Variants in DPYD observed in about 807,000 individuals in gnomAD.
The protein encoded by DPYD is dihydropyrimidine dehydrogenase [NADP(+)].
In DPYD, 109 loss-of-function variants were observed where a neutral mutation model predicts 116.2. The ratio of observed to expected loss-of-function variants is 0.94; its 90% CI spans 0.80 to 1.10. The LOEUF (loss-of-function observed/expected upper bound fraction) is 1.10. Among genes scored for constraint, DPYD ranks in the 50% least tolerant of loss-of-function variants. The probability of loss-of-function intolerance (pLI) is 0.00; values close to 1 mark genes in which losing one functional copy is unlikely to be tolerated. For synonymous variants in DPYD, 440 were observed against 432.0 expected, an observed-to-expected ratio of 1.02 and a Z score of -0.23; for missense variants, 1,302 against 1,254.5, an observed-to-expected ratio of 1.04 and a Z score of -0.57.
At chr1:97,353,672 A>G (rs1670265204) in intron 16 of DPYD, among the ~76,000 whole-genome samples, 1 of 150,718 alleles carries the variant, frequency 6.6e-6, no homozygotes, top group African/African-American at 2.4e-5. Context: ...TTAGAAATGA[A>G]TTTTGGGTGC....
At chr1:97,650,137 C>G (rs1463131168) in intron 8 of DPYD, among the ~76,000 whole-genome samples, 1 of 152,042 alleles carries the variant, frequency 6.6e-6, no homozygotes. Flanking sequence ...AGAATGCACC[C>G]TCATAGCCCC....
intron 8 of DPYD, among the ~76,000 whole-genome samples, chr1:97,649,501 A>G (rs139209915): frequency 0.016 from 2,430 of 152,138 alleles, 29 homozygotes; most frequent in Non-Finnish European, 0.023. Flanking sequence ...TTCTTTTTCT[A>G]TCTTGAATGA....
chr1:97,162,989 A>ATTAAAGAC (rs1656041337), intron 20 of DPYD, among the ~76,000 whole-genome samples: 1 of 151,766 alleles, frequency 6.6e-6, no homozygotes, highest in East Asian at 1.9e-4. Context: ...TTCAAGATGG[A>ATTAAAGAC]TTAAAGACTT....
chr1:97,568,541 G>A (rs1652687254), intron 11 of DPYD, among the ~76,000 whole-genome samples: 1 of 151,928 alleles, frequency 6.6e-6, no homozygotes, highest in Non-Finnish European at 1.5e-5. Flanking sequence ...TTTCCAGCTG[G>A]GGCAGCCTGG....
At position 97,134,046 on chromosome 1, in the gene DPYD, T is replaced by A. The variant is rs1341113230; in HGVS notation, c.2623-35414A>T. 5.9e-3 allele frequency among the ~76,000 whole-genome samples: 414 copies of A among 70,140 alleles called. 43 individuals are homozygous for A. Among genetic ancestry groups the A allele is most frequent in the African/African-American group, 0.021 (354 of 17,256 alleles). The allele number at this position is 70,140 out of a possible 152,430, so 46.0% of individuals were successfully genotyped here. A position where few individuals can be genotyped will look rare whatever the true frequency, so the allele number is the denominator to read the frequency against. ...ATATATATATATATATATATATATA[T>A]ATATATATATATATATATATATTCT... is the stretch of plus-strand genomic sequence containing the variant. On this transcript the variant is annotated intron_variant, in intron 20 of 22. Coordinates refer to ENST00000370192, the MANE Select transcript of DPYD (RefSeq NM_000110.4).
rs184470704 is a variant in DPYD at position 97,837,391 on chromosome 1, A to C, written c.151-9195T>G. Reference sequence around the variant, plus strand: ...TTGTGCTATTTTCCCCAACAATTTTAAGTGCTAATCTTCAGAAGGCATTTT... The same window carrying C: ...TTGTGCTATTTTCCCCAACAATTTTCAGTGCTAATCTTCAGAAGGCATTTT... On this transcript the variant is annotated intron_variant, in intron 2 of 22. Transcript: ENST00000370192. Among the ~76,000 whole-genome samples the C allele has an allele frequency of 8.2e-4, 125 of 152,268 alleles. 1 individual carries two copies. Among genetic ancestry groups the C allele is most frequent in the Non-Finnish European group, 1.9e-4 (13 of 67,964 alleles).
At chr1:97,134,014 A>AATATAT (rs1165027630) in intron 20 of DPYD, among the ~76,000 whole-genome samples, 20 of 18,786 alleles carry the variant, frequency 1.1e-3, no homozygotes, top group Non-Finnish European at 1.7e-3. Context: ...AAAAAAAAAA[A>AATATAT]ATATATATAT....
intron 15 of DPYD, among the ~76,000 whole-genome samples, chr1:97,376,462 G>C (rs1671620546): frequency 6.6e-6 from 1 of 152,132 alleles, no homozygotes; most frequent in East Asian, 1.9e-4. Flanking sequence ...ACCTGGCAAG[G>C]CCTTTGAAAT....
chr1:97,591,992 C>A (rs1000728684), intron 10 of DPYD, among the ~76,000 whole-genome samples: 1 of 151,660 alleles, frequency 6.6e-6, no homozygotes, highest in African/African-American at 2.4e-5. Context: ...AGATAATAAA[C>A]GTGGAATTTG....
At chr1:97,099,314 A>G (rs753594236) in intron 20 of DPYD, among the ~76,000 whole-genome samples, 2 of 152,134 alleles carry the variant, frequency 1.3e-5, no homozygotes, top group Non-Finnish European at 2.9e-5. Context: ...AACAAACTCC[A>G]TCAGTATTCA....
At chr1:97,606,270 T>C (rs1172236910) in intron 8 of DPYD, among the ~76,000 whole-genome samples, 2 of 151,980 alleles carry the variant, frequency 1.3e-5, no homozygotes, top group African/African-American at 4.8e-5. Context: ...GTACCTACTA[T>C]GTACTAAACA....
At chr1:97,109,341 C>T (rs1464257112) in intron 20 of DPYD, among the ~76,000 whole-genome samples, 1 of 152,086 alleles carries the variant, frequency 6.6e-6, no homozygotes, top group Admixed American at 6.6e-5. Flanking sequence ...AGCAACAGTC[C>T]TTCCAGTGCC....
chr1:97,287,873 T>G (rs1401466347), intron 18 of DPYD, among the ~76,000 whole-genome samples: 2 of 152,076 alleles, frequency 1.3e-5, no homozygotes, highest in African/African-American at 4.8e-5. Context: ...CCTAGCCCCT[T>G]GCAAGACACA....
At chr1:97,402,758 T>G (rs998334695) in intron 14 of DPYD, among the ~76,000 whole-genome samples, 13 of 152,090 alleles carry the variant, frequency 8.5e-5, no homozygotes, top group African/African-American at 3.1e-4. Flanking sequence ...TTTATAGATA[T>G]TCTTTATCAA....
rs571733631 is a variant in DPYD at position 97,173,300 on chromosome 1, GTA to G, written c.2622+19767_2622+19768del. 9.8e-3 allele frequency among the ~76,000 whole-genome samples: 874 copies of G among 89,418 alleles called. 13 individuals are homozygous for G. Among genetic ancestry groups the G allele is most frequent in the African/African-American group, 0.04 (850 of 21,288 alleles). The allele number at this position is 89,418 out of a possible 152,430, so 58.7% of individuals were successfully genotyped here. A position where few individuals can be genotyped will look rare whatever the true frequency, so the allele number is the denominator to read the frequency against. On this transcript the variant is annotated intron_variant, in intron 20 of 22. Coordinates refer to ENST00000370192, the MANE Select transcript of DPYD (RefSeq NM_000110.4). ...TATGCACACATATATGTACACATATGTACATATATATGCACACATATATACAC... is the reference window on the plus strand; with the variant it reads ...TATGCACACATATATGTACACATATGCATATATATGCACACATATATACAC...
chr1:97,521,173 T>C (rs534806063), intron 12 of DPYD, among the ~76,000 whole-genome samples: 1 of 152,322 alleles, frequency 6.6e-6, no homozygotes, highest in African/African-American at 2.4e-5. Context: ...CCATGCTAAC[T>C]GGCGTGAGAT....
At position 97,424,366 on chromosome 1, in the gene DPYD, T is replaced by C. The variant is rs575795984; in HGVS notation, c.1905+25693A>G. On this transcript the variant is annotated intron_variant, in intron 14 of 22. Coordinates refer to ENST00000370192, the MANE Select transcript of DPYD (RefSeq NM_000110.4). ...AGAAATTTCTCTTTCACCTCCTGAATAGAAAAGACAACTGAGAGTGGTGGT... is the reference window on the plus strand; with the variant it reads ...AGAAATTTCTCTTTCACCTCCTGAACAGAAAAGACAACTGAGAGTGGTGGT... Among the ~76,000 whole-genome samples, 6 of 152,074 alleles carry C rather than the reference T, an allele frequency of 3.9e-5. No individual in the cohort carries two copies. In the East Asian group the frequency reaches 7.8e-4, roughly 20 times the overall value.
At chr1:97,883,159 C>T (rs956010030) in intron 2 of DPYD, 105 bp downstream of exon 2, 15 of 712,616 alleles carry the variant, frequency 2.1e-5, no homozygotes, top group African/African-American at 7.2e-5. Context: ...TTTAAAATCA[C>T]GGCTGTACTT....
chr1:97,125,772 C>CT (rs1652786567), intron 20 of DPYD, among the ~76,000 whole-genome samples: 2 of 152,058 alleles, frequency 1.3e-5, no homozygotes. Context: ...GAAAAGATGG[C>CT]TGTTTAGGAA....
Sources: allele counts gnomAD v4.1 joint callset (sites outside exome capture counted in the v4.1 genomes callset), GRCh38; gene constraint gnomAD v4.1.1; transcripts MANE v1.5; gene names NCBI Gene and HGNC (gene_info 2026-07-23, HGNC 2026-07-21).